TEX11: variants seen among roughly 807,000 people sequenced by gnomAD.
TEX11 encodes testis expressed 11, also known as testis-expressed protein 11.
In TEX11, 7 loss-of-function variants were observed where a neutral mutation model predicts 84.4. The observed-to-expected ratio is 0.08, with a 90% CI of 0.05 to 0.16. TEX11 has a LOEUF of 0.16. Ranked by LOEUF, TEX11 falls within the 10% of genes least tolerant of loss-of-function variation. The pLI, the probability that TEX11 is intolerant of heterozygous loss-of-function variation, is 1.00. For synonymous variants in TEX11, 264 were observed against 222.8 expected (o/e 1.18, Z -1.64); for missense variants, 551 against 660.5 (o/e 0.83, Z 1.82).
At chrX:70,715,026 G>A (rs925607288) in intron 13 of TEX11, among the ~76,000 whole-genome samples, 25 of 111,296 alleles carry the variant, frequency 2.2e-4, no homozygotes, top group African/African-American at 8.2e-4. Flanking sequence ...TATCTGTAAA[G>A]GATTTTATTT....
rs760537771 is a variant in TEX11, at chrX:70,692,209, G to A, written c.1005-9384C>T. Among the ~76,000 whole-genome samples the A allele has an allele frequency of 2.7e-5, 3 of 111,740 alleles. No homozygotes were observed. The East Asian group carries it at 8.4e-4, about 31-fold the overall frequency. Reference sequence around the variant, plus strand: ...CACTCAAGATATCACCACAATCAATGTAATAAATATATCCGTCACCTCCAA... The same window carrying A: ...CACTCAAGATATCACCACAATCAATATAATAAATATATCCGTCACCTCCAA... On this transcript the variant is annotated intron_variant, in intron 13 of 29. Coordinates refer to ENST00000374333, the MANE Select transcript of TEX11 (RefSeq NM_031276.3).
intron 7 of TEX11, among the ~76,000 whole-genome samples, chrX:70,839,317 G>C (rs936253833): frequency 8.9e-6 from 1 of 111,771 alleles, no homozygotes; most frequent in Non-Finnish European, 1.9e-5. Context: ...TCAGGCAGCA[G>C]CATCTGCAGT....
rs368543125 is a variant in TEX11, at chrX:70,626,801, G to A, written c.1609-1877C>T. Among the ~76,000 whole-genome samples the A allele has an allele frequency of 2.7e-5, 3 of 112,166 alleles. No homozygotes were observed. In the Admixed American group the frequency reaches 2.8e-4, roughly 11 times the overall value. On this transcript the variant is annotated intron_variant, in intron 18 of 29. Transcript: ENST00000374333. ...CTACTGGCAAGCATATTGCACTTCC[G>A]TAGTCATTCACTTTCTTACTTTTCT...
the TEX11 span, among the ~76,000 whole-genome samples, chrX:70,513,440 A>AAT: frequency 2.8e-5 from 3 of 105,611 alleles, no homozygotes; most frequent in Non-Finnish European, 5.8e-5. Flanking sequence ...ATAATAATGA[A>AAT]ATATATATAT....
At chrX:70,565,087 G>A (rs750514010) in intron 25 of TEX11, among the ~76,000 whole-genome samples, 12,332 of 105,467 alleles carry the variant, frequency 0.12, 671 homozygotes, top group Middle Eastern at 0.19. Flanking sequence ...ACTTTTTAAT[G>A]ATTGCCATTC....
chrX:70,633,857 G>A (rs1168552973), intron 17 of TEX11, among the ~76,000 whole-genome samples: 1 of 111,787 alleles, frequency 8.9e-6, no homozygotes, highest in Non-Finnish European at 1.9e-5. Context: ...GGTGGAGGTT[G>A]CAGTGAGCCG....
intron 9 of TEX11, among the ~76,000 whole-genome samples, chrX:70,754,872 C>T (rs975125701): frequency 8.9e-6 from 1 of 111,915 alleles, no homozygotes; most frequent in Non-Finnish European, 1.9e-5. Context: ...TTGCCCAAGA[C>T]CATCAAGGTA....
At chrX:70,891,982 A>G (rs2091740592) in intron 2 of TEX11, among the ~76,000 whole-genome samples, 1 of 111,581 alleles carries the variant, frequency 9.0e-6, no homozygotes, top group Admixed American at 9.5e-5. Context: ...GCAGCCAGAG[A>G]GAAAGATCAG....
intron 9 of TEX11, among the ~76,000 whole-genome samples, chrX:70,760,696 T>C (rs910823847): frequency 1.8e-5 from 2 of 111,717 alleles, no homozygotes; most frequent in African/African-American, 3.3e-5. Flanking sequence ...GACATAGGCA[T>C]GCGCAAAGAC....
intron 2 of TEX11, among the ~76,000 whole-genome samples, chrX:70,890,646 AG>A (rs2091732457): frequency 8.9e-6 from 1 of 112,333 alleles, no homozygotes; most frequent in Non-Finnish European, 1.9e-5. Context: ...GCAGCCTAGC[AG>A]GGGGAGGGGG....
At chrX:70,806,314 C>T (rs967772760) in intron 9 of TEX11, among the ~76,000 whole-genome samples, 1 of 110,864 alleles carries the variant, frequency 9.0e-6, no homozygotes, top group African/African-American at 3.3e-5. Context: ...AAATTAGCCA[C>T]GCATGCTGGC....
intron 13 of TEX11, among the ~76,000 whole-genome samples, chrX:70,715,758 A>C (rs1442343285): frequency 1.8e-5 from 2 of 111,728 alleles, no homozygotes; most frequent in Non-Finnish European, 1.9e-5. Flanking sequence ...AACTTGGAGT[A>C]GTTTGATCGT....
In TEX11 at chrX:70,766,616, GA is replaced by G. The variant is rs201310542; in HGVS notation, c.693-22398del. ...ACCAATGACATTCTTCATAGAAATAGAAAAAAAAAATCCTGAAATGTATATG... is the reference window on the plus strand; with the variant it reads ...ACCAATGACATTCTTCATAGAAATAGAAAAAAAAATCCTGAAATGTATATG... On this transcript the variant is annotated intron_variant, in intron 9 of 29. Transcript: ENST00000374333. Among the ~76,000 whole-genome samples, 407 of 106,995 alleles carry G rather than the reference GA, an allele frequency of 3.8e-3. 2 individuals carry two copies. The highest frequency in any genetic ancestry group is 9.8e-3 in the African/African-American group (288 of 29,428). The allele number at this position is 106,995 out of a possible 115,157, so 92.9% of individuals were successfully genotyped here. A position where few individuals can be genotyped will look rare whatever the true frequency, so the allele number is the denominator to read the frequency against.
Position 70,873,293 on chromosome X carries a change from T to C in TEX11, c.174A>G (p.Ala58=). Residue 58 remains alanine (A), a synonymous_variant, in exon 4 of 30, where the codon GCA becomes GCG. Coordinates refer to ENST00000374333, the MANE Select transcript of TEX11 (RefSeq NM_031276.3). Reference sequence around the variant, plus strand: ...TAAGTGCCCAGTTCCATAGGTTTACTGCCATTTCTTCAATCTGGTCAAAGA... The same window carrying C: ...TAAGTGCCCAGTTCCATAGGTTTACCGCCATTTCTTCAATCTGGTCAAAGA... ...EITDIQIEEM[A]VNLWNWALTI... is the part of the protein sequence containing the mutation. 1 of 1,190,885 alleles carries C rather than the reference T, an allele frequency of 8.4e-7. No homozygotes were observed. The highest frequency in any genetic ancestry group is 3.0e-5 in the East Asian group (1 of 33,768).
intron 25 of TEX11, among the ~76,000 whole-genome samples, chrX:70,569,199 G>A (rs1399712618): frequency 2.7e-5 from 3 of 111,492 alleles, no homozygotes; most frequent in South Asian, 3.8e-4. Flanking sequence ...TGATCGCATC[G>A]GCTCCTGAGG....
intron 25 of TEX11, among the ~76,000 whole-genome samples, chrX:70,570,239 CA>C (rs1345754035): frequency 8.9e-6 from 1 of 112,322 alleles, no homozygotes; most frequent in Non-Finnish European, 1.9e-5. Flanking sequence ...CCTGGTGCGC[CA>C]TTTTTTAAGC....
chrX:70,730,257 T>C (rs1603239575), intron 11 of TEX11, among the ~76,000 whole-genome samples: 2 of 111,395 alleles, frequency 1.8e-5, no homozygotes, highest in African/African-American at 6.5e-5. Context: ...ACGGGCAAAA[T>C]AACCAGCTAA....
chrX:70,542,303 C>T (rs935522342), intron 28 of TEX11, among the ~76,000 whole-genome samples: 12 of 111,052 alleles, frequency 1.1e-4, no homozygotes, highest in African/African-American at 3.9e-4. Context: ...GGGAAGCAGA[C>T]CCTCACTGGA....
At chrX:70,793,319 A>G (rs1024681985) in intron 9 of TEX11, among the ~76,000 whole-genome samples, 16 of 111,765 alleles carry the variant, frequency 1.4e-4, no homozygotes, top group African/African-American at 5.2e-4. Flanking sequence ...ACTTCTATTC[A>G]ACATAGTACT....
Sources: allele counts gnomAD v4.1 joint callset (sites outside exome capture counted in the v4.1 genomes callset), GRCh38; gene constraint gnomAD v4.1.1; transcripts MANE v1.5; gene names NCBI Gene and HGNC (gene_info 2026-07-23, HGNC 2026-07-21).